NXPH2: variants seen among roughly 807,000 people sequenced by gnomAD.
The protein encoded by NXPH2 is neurexophilin 2, also known as neurexophilin-2.
Under a neutral mutation model 19.8 loss-of-function variants are expected in NXPH2, and 5 were observed. The ratio of observed to expected loss-of-function variants is 0.25; its 90% CI spans 0.13 to 0.53. The LOEUF (loss-of-function observed/expected upper bound fraction) is 0.53, where lower values mean the gene tolerates loss of function less well. Ranked by LOEUF, NXPH2 falls within the 20% of genes least tolerant of loss-of-function variation. The probability of loss-of-function intolerance (pLI) is 0.96; values close to 1 mark genes in which losing one functional copy is unlikely to be tolerated. For missense variants in NXPH2, 289 were observed against 322.8 expected (o/e 0.90, Z 0.80); for synonymous variants, 154 against 127.4 (o/e 1.21, Z -1.41).
intron 1 of NXPH2, among the ~76,000 whole-genome samples, chr2:138,721,801 G>T (rs1444171675): frequency 6.6e-6 from 1 of 152,166 alleles, no homozygotes; most frequent in African/African-American, 2.4e-5. Flanking sequence ...AACTTCCCCA[G>T]GCTGAGTAAC....
chr2:138,739,960 T>C (rs1681617115), intron 1 of NXPH2, among the ~76,000 whole-genome samples: 1 of 152,324 alleles, frequency 6.6e-6, no homozygotes, highest in East Asian at 1.9e-4. Context: ...ATATAGACTT[T>C]GAATTGTTCC....
chr2:138,690,130 C>T (rs921054855), intron 1 of NXPH2, among the ~76,000 whole-genome samples: 3 of 152,216 alleles, frequency 2.0e-5, no homozygotes, highest in Non-Finnish European at 2.9e-5. Context: ...TTGGCACATG[C>T]CTCATCCTTC....
intron 1 of NXPH2, among the ~76,000 whole-genome samples, chr2:138,689,090 A>G (rs1271048779): frequency 6.6e-6 from 1 of 152,132 alleles, no homozygotes; most frequent in East Asian, 1.9e-4. Flanking sequence ...TCGTATTGCC[A>G]TTTCTCCCTG....
At chr2:138,750,085 GA>G (rs1425821811) in intron 1 of NXPH2, among the ~76,000 whole-genome samples, 3 of 152,042 alleles carry the variant, frequency 2.0e-5, no homozygotes, top group Admixed American at 2.0e-4. Context: ...ATACACAAGG[GA>G]TACATACACG....
chr2:138,755,166 T>C (rs548503964), intron 1 of NXPH2, among the ~76,000 whole-genome samples: 4 of 152,230 alleles, frequency 2.6e-5, no homozygotes, highest in South Asian at 2.1e-4. Context: ...ATTCTTTTAA[T>C]AGTGCTTTCA....
At chr2:138,746,151 T>C (rs955210604) in intron 1 of NXPH2, among the ~76,000 whole-genome samples, 3 of 152,220 alleles carry the variant, frequency 2.0e-5, no homozygotes, top group Non-Finnish European at 2.9e-5. Context: ...TGCTGCACAT[T>C]GAGCCTGCAA....
intron 1 of NXPH2, among the ~76,000 whole-genome samples, chr2:138,749,839 C>T (rs1681799964): frequency 6.6e-6 from 1 of 152,110 alleles, no homozygotes; most frequent in East Asian, 1.9e-4. Flanking sequence ...CTTCTACAAA[C>T]TTAAGACCAA....
intron 1 of NXPH2, among the ~76,000 whole-genome samples, chr2:138,713,477 A>T (rs1296364660): frequency 1.3e-5 from 2 of 152,202 alleles, no homozygotes; most frequent in African/African-American, 4.8e-5. Flanking sequence ...TGTGCTCAGG[A>T]TTCATCTCCT....
chr2:138,736,237 C>T (rs528550950), intron 1 of NXPH2, among the ~76,000 whole-genome samples: 1 of 152,320 alleles, frequency 6.6e-6, no homozygotes, highest in South Asian at 2.1e-4. Context: ...TCTGCACTTC[C>T]CCAGCAGAGG....
At chr2:138,682,345 C>T (rs1175940985) in intron 1 of NXPH2, among the ~76,000 whole-genome samples, 1 of 152,108 alleles carries the variant, frequency 6.6e-6, no homozygotes, top group Non-Finnish European at 1.5e-5. Flanking sequence ...TGCCGGACAG[C>T]ATACAATGCT....
Position 138,685,090 on chromosome 2 carries a change from T to G in NXPH2, c.52-13425A>C, listed in dbSNP as rs114784528. ...TCCAGACCAATCAGTTGATTTTAAG[T>G]TAAAAAGGTTATTCTTGATTATTGG... On this transcript the variant is annotated intron_variant, in intron 1 of 1. Transcript: ENST00000272641. Among the ~76,000 whole-genome samples the G allele has an allele frequency of 4.5e-3, 683 of 152,304 alleles. 5 individuals carry two copies. The highest frequency in any genetic ancestry group is 0.016 in the African/African-American group (658 of 41,564).
At chr2:138,752,324 G>C (rs780642042) in intron 1 of NXPH2, among the ~76,000 whole-genome samples, 1 of 152,060 alleles carries the variant, frequency 6.6e-6, no homozygotes, top group Admixed American at 6.6e-5. Context: ...AGAGTTCTTG[G>C]CACAAAATTA....
chr2:138,696,042 GA>G (rs1369263742), intron 1 of NXPH2, among the ~76,000 whole-genome samples: 3 of 149,738 alleles, frequency 2.0e-5, no homozygotes, highest in African/African-American at 7.6e-5. Flanking sequence ...TAAATAAACT[GA>G]AACATATTTT....
intron 1 of NXPH2, among the ~76,000 whole-genome samples, chr2:138,748,507 G>A (rs1681776462): frequency 6.6e-6 from 1 of 152,116 alleles, no homozygotes; most frequent in Non-Finnish European, 1.5e-5. Context: ...AAAAAATGTG[G>A]TAGTGCCTGG....
Position 138,746,805 on chromosome 2 carries a change from G to A in NXPH2, c.51+33386C>T, listed in dbSNP as rs369527428. 5.9e-5 allele frequency among the ~76,000 whole-genome samples: 9 copies of A among 152,244 alleles called. No homozygotes were observed. The South Asian group carries it at 1.9e-3, about 32-fold the overall frequency. On this transcript the variant is annotated intron_variant, in intron 1 of 1. Transcript: ENST00000272641. ...TGTTGGTGTTGTCTAACCCACAGAA[G>A]TTCCCACTGCCACCACATACTGCCT...
chr2:138,684,604 A>C (rs1680621311), intron 1 of NXPH2, among the ~76,000 whole-genome samples: 1 of 152,196 alleles, frequency 6.6e-6, no homozygotes, highest in Non-Finnish European at 1.5e-5. Flanking sequence ...TACAAGTAAA[A>C]TCTAAATCCA....
At chr2:138,714,284 T>G (rs1390171833) in intron 1 of NXPH2, among the ~76,000 whole-genome samples, 2 of 152,192 alleles carry the variant, frequency 1.3e-5, no homozygotes, top group Non-Finnish European at 2.9e-5. Context: ...AGTTATATTT[T>G]TGTATTTTTG....
chr2:138,704,189 C>T (rs1680974387), intron 1 of NXPH2, among the ~76,000 whole-genome samples: 1 of 152,128 alleles, frequency 6.6e-6, no homozygotes, highest in South Asian at 2.1e-4. Flanking sequence ...AACTATATGT[C>T]AATGTTCCTG....
chr2:138,755,118 A>G (rs1681886560), intron 1 of NXPH2, among the ~76,000 whole-genome samples: 1 of 152,066 alleles, frequency 6.6e-6, no homozygotes, highest in Admixed American at 6.6e-5. Context: ...TCAGATATAT[A>G]TTCAGCATAT....
Sources: gnomAD v4.1 joint callset for allele counts (sites outside exome capture counted in the v4.1 genomes callset) on GRCh38, gnomAD v4.1.1 for gene constraint, MANE v1.5 for transcripts, NCBI Gene and HGNC (gene_info 2026-07-23, HGNC 2026-07-21) for gene names.